Variants in MARCHF4 observed in about 807,000 individuals in gnomAD.
The protein encoded by MARCHF4 is membrane associated ring-CH-type finger 4.
In MARCHF4, 14 loss-of-function variants were observed where a neutral mutation model predicts 43.9. The observed-to-expected ratio is 0.32, with a 90% CI of 0.21 to 0.50. The LOEUF (loss-of-function observed/expected upper bound fraction) is 0.50, where lower values mean the gene tolerates loss of function less well. Among genes scored for constraint, MARCHF4 ranks in the 20% least tolerant of loss-of-function variants. The pLI, the probability that MARCHF4 is intolerant of heterozygous loss-of-function variation, is 0.98. For synonymous variants in MARCHF4, 226 were observed against 213.3 expected, an observed-to-expected ratio of 1.06 and a Z score of -0.52; for missense variants, 468 against 536.7, an observed-to-expected ratio of 0.87 and a Z score of 1.27.
At chr2:216,266,545 G>C (rs1690848081) in intron 3 of MARCHF4, among the ~76,000 whole-genome samples, 1 of 152,134 alleles carries the variant, frequency 6.6e-6, no homozygotes, top group Non-Finnish European at 1.5e-5. Flanking sequence ...AAGCACTCTA[G>C]AGACCAAATG....
intron 1 of MARCHF4, among the ~76,000 whole-genome samples, chr2:216,326,118 AAAAC>A (rs1691986820): frequency 6.7e-6 from 1 of 148,416 alleles, no homozygotes; most frequent in Non-Finnish European, 1.5e-5. Context: ...TTACAAGAAA[AAAAC>A]AAACAACCCC....
intron 1 of MARCHF4, among the ~76,000 whole-genome samples, chr2:216,359,801 T>A (rs1327860017): frequency 6.6e-6 from 1 of 152,230 alleles, no homozygotes; most frequent in African/African-American, 2.4e-5. Context: ...AAACCTGTAC[T>A]TCTTCCCCTA....
chr2:216,328,162 T>G (rs1692026326), intron 1 of MARCHF4, among the ~76,000 whole-genome samples: 1 of 152,058 alleles, frequency 6.6e-6, no homozygotes, highest in African/African-American at 2.4e-5. Context: ...CAATCCTGAT[T>G]TATTTTGTTT....
chr2:216,292,162 AG>A (rs1384081771), intron 1 of MARCHF4, among the ~76,000 whole-genome samples: 1 of 152,210 alleles, frequency 6.6e-6, no homozygotes, highest in East Asian at 1.9e-4. Context: ...TGTTTATGTT[AG>A]GGGGTGGGAC....
chr2:216,283,576 G>C lies in MARCHF4; in HGVS notation c.670C>G (p.Gln224Glu). The C allele has an allele frequency of 6.3e-7, 1 of 1,599,510 alleles. No individual in the cohort carries two copies. Among genetic ancestry groups the C allele is most frequent in the African/African-American group, 1.3e-5 (1 of 74,806 alleles). Residue 224 changes from glutamine (Q) to glutamate (E), a missense_variant and splice_region_variant, in exon 2 of 4, where the codon CAG becomes GAG. Coordinates refer to ENST00000273067, the MANE Select transcript of MARCHF4 (RefSeq NM_020814.3). ...VIAISTKNPL[Q>E]WQAISLTVIE... is the part of the protein sequence containing the mutation. ...CACCAGGCAGCCCTGGGTTGTACCT[G>C]CAGAGGATTTTTTGTGCTTATGGCG...
At chr2:216,282,695 C>A (rs1363777725) in intron 2 of MARCHF4, among the ~76,000 whole-genome samples, 1 of 152,150 alleles carries the variant, frequency 6.6e-6, no homozygotes, top group Non-Finnish European at 1.5e-5. Context: ...TGCCAGCTCC[C>A]CTGGGGACAA....
In MARCHF4 at chr2:216,259,852, G is replaced by T. The variant is rs540471986; in HGVS notation, c.866-173C>A. ...CAGCAAGTTCCAGTAGGCAGAAGGT[G>T]GAGGGGCCACCAGACCGAGTCCATG... On this transcript the variant is annotated intron_variant, in intron 3 of 3. Transcript: ENST00000273067. 3.4e-5 allele frequency: 22 copies of T among 646,090 alleles called. No individual in the cohort carries two copies. The Middle Eastern group carries it at 1.3e-3, about 38-fold the overall frequency. 40.0% of individuals were successfully genotyped at this position (646,090 alleles called of 1,614,324 possible). A position where few individuals can be genotyped will look rare whatever the true frequency, so the allele number is the denominator to read the frequency against.
intron 3 of MARCHF4, among the ~76,000 whole-genome samples, chr2:216,275,710 C>T (rs768511030): frequency 5.3e-5 from 8 of 152,202 alleles, no homozygotes; most frequent in South Asian, 4.1e-4. Flanking sequence ...CTCTTTTGTC[C>T]GTGCTCCCTC....
intron 1 of MARCHF4, among the ~76,000 whole-genome samples, chr2:216,368,181 G>C (rs62178563): frequency 6.6e-6 from 1 of 152,192 alleles, no homozygotes; most frequent in African/African-American, 2.4e-5. Context: ...AATTTAGGAA[G>C]CCAAATAATT....
rs377449700 is a variant in MARCHF4, at chr2:216,369,626, TA to T, written c.516+118del. ...CACAAGAAACATCAATGAGGGCTCT[TA>T]AACATAGAGTCCTCATACTAAAGAC... is the stretch of plus-strand genomic sequence containing the variant. On this transcript the variant is annotated intron_variant, in intron 1 of 3. Transcript: ENST00000273067. 9 of 788,006 alleles carry T rather than the reference TA, an allele frequency of 1.1e-5. No individual in the cohort carries two copies. The African/African-American group carries it at 1.4e-4, about 12-fold the overall frequency. 48.8% of individuals were successfully genotyped at this position (788,006 alleles called of 1,614,324 possible).
At chr2:216,262,287 C>A (rs1690753810) in intron 3 of MARCHF4, among the ~76,000 whole-genome samples, 1 of 152,128 alleles carries the variant, frequency 6.6e-6, no homozygotes, top group Non-Finnish European at 1.5e-5. Context: ...AATCTAGTTA[C>A]TGGTTGTGTG....
Position 216,283,604 on chromosome 2 carries a change from G to C in MARCHF4, c.642C>G (p.Val214=). ...GAGGATTTTTTGTGCTTATGGCGAT[G>C]ACGTGGTACTTGTAGTAGCACAGCT... ...SCELCYYKYH[V]IAISTKNPLQ... The change falls in exon 2 of 4, where the codon GTC becomes GTG. Residue 214 remains valine, a synonymous_variant. Coordinates refer to ENST00000273067, the MANE Select transcript of MARCHF4 (RefSeq NM_020814.3). 1 of 1,610,066 alleles carries C rather than the reference G, an allele frequency of 6.2e-7. No individual in the cohort carries two copies. The highest frequency in any genetic ancestry group is 1.3e-5 in the African/African-American group (1 of 74,970).
intron 1 of MARCHF4, among the ~76,000 whole-genome samples, chr2:216,308,094 A>G (rs1691619157): frequency 6.6e-6 from 1 of 151,822 alleles, no homozygotes; most frequent in Non-Finnish European, 1.5e-5. Context: ...AAGTTGGAGA[A>G]AATATGTGTT....
chr2:216,341,906 A>G (rs571581435), intron 1 of MARCHF4, among the ~76,000 whole-genome samples: 249 of 152,314 alleles, frequency 1.6e-3, no homozygotes, highest in South Asian at 4.1e-3. Flanking sequence ...AAGGACTGCA[A>G]TATTACGGCA....
intron 1 of MARCHF4, among the ~76,000 whole-genome samples, chr2:216,309,608 G>A (rs1165723993): frequency 7.9e-5 from 12 of 152,082 alleles, no homozygotes; most frequent in Non-Finnish European, 2.9e-5. Context: ...GGCTTCCCAG[G>A]GATTTTACTT....
intron 1 of MARCHF4, among the ~76,000 whole-genome samples, chr2:216,319,036 G>C (rs932024238): frequency 2.0e-5 from 3 of 152,032 alleles, no homozygotes; most frequent in Non-Finnish European, 4.4e-5. Context: ...TGCCGGGTGC[G>C]GTGGCTCACA....
At chr2:216,277,181 C>T (rs1314217113) in intron 3 of MARCHF4, among the ~76,000 whole-genome samples, 1 of 152,096 alleles carries the variant, frequency 6.6e-6, no homozygotes, top group Non-Finnish European at 1.5e-5. Context: ...TGGAAAACCA[C>T]TGGACTAGAG....
At chr2:216,324,967 C>A (rs1691964738) in intron 1 of MARCHF4, among the ~76,000 whole-genome samples, 1 of 151,228 alleles carries the variant, frequency 6.6e-6, no homozygotes. Context: ...CTGGCCAGGG[C>A]AATTAGGCAG....
chr2:216,336,058 ACT>A lies in MARCHF4; in HGVS notation c.516+33685_516+33686del, dbSNP rs533735703. Among the ~76,000 whole-genome samples the A allele has an allele frequency of 3.6e-3, 440 of 123,560 alleles. 2 individuals are homozygous for A. The highest frequency in any genetic ancestry group is 5.5e-3 in the Non-Finnish European group (341 of 61,890). The allele number at this position is 123,560 out of a possible 152,430, so 81.1% of individuals were successfully genotyped here. On this transcript the variant is annotated intron_variant, in intron 1 of 3. Transcript: ENST00000273067. ...ACTCTAGCCTGAGTGACAGAGTGAGACTCTGTCTAAAAAAAAAAAAAAAAAAA... is the reference window on the plus strand; with the variant it reads ...ACTCTAGCCTGAGTGACAGAGTGAGACTGTCTAAAAAAAAAAAAAAAAAAA...
Sources: gnomAD v4.1 joint callset for allele counts (sites outside exome capture counted in the v4.1 genomes callset) on GRCh38, gnomAD v4.1.1 for gene constraint, MANE v1.5 for transcripts, NCBI Gene and HGNC (gene_info 2026-07-23, HGNC 2026-07-21) for gene names.